REXO1: variants seen among roughly 807,000 people sequenced by gnomAD.
The protein encoded by REXO1 is REX1, RNA exonuclease 1 homolog.
REXO1 carries 42 observed loss-of-function variants against 102.6 expected under a neutral mutation model. The observed-to-expected ratio is 0.41, with a 90% confidence interval of 0.32 to 0.53. REXO1 has a LOEUF of 0.53. Ranked by LOEUF, REXO1 falls within the 20% of genes least tolerant of loss-of-function variation. The probability of loss-of-function intolerance (pLI) is 0.27; values close to 1 mark genes in which losing one functional copy is unlikely to be tolerated. For synonymous variants in REXO1, 908 were observed against 779.1 expected, an observed-to-expected ratio of 1.17 and a Z score of -2.76; for missense variants, 1,819 against 1,732.5, an observed-to-expected ratio of 1.05 and a Z score of -0.89.
At chr19:1,842,257 A>ACAG (rs1384366785) in intron 1 of REXO1, among the ~76,000 whole-genome samples, 6 of 151,778 alleles carry the variant, frequency 4.0e-5, no homozygotes, top group Admixed American at 3.3e-4. Context: ...AAACACAAAA[A>ACAG]CAGCAGGCGG....
chr19:1,831,717 TGCCTGTAATCCCA>T (rs2069906774), intron 1 of REXO1, among the ~76,000 whole-genome samples: 1 of 151,198 alleles, frequency 6.6e-6, no homozygotes, highest in Non-Finnish European at 1.5e-5. Context: ...TGGTGACCCA[TGCCTGTAATCCCA>T]GCTACTCGGG....
At position 1,848,293 on chromosome 19, in the gene REXO1, C is replaced by A. The variant is rs1017820793; in HGVS notation, c.66G>T (p.Gly22=). The A allele has an allele frequency of 3.3e-6, 4 of 1,228,962 alleles. No homozygotes were observed. The highest frequency in any genetic ancestry group is 6.5e-5 in the East Asian group (2 of 30,680). The allele number at this position is 1,228,962 out of a possible 1,614,324, so 76.1% of individuals were successfully genotyped here. A position where few individuals can be genotyped will look rare whatever the true frequency, so the allele number is the denominator to read the frequency against. The part of the protein sequence containing the change: ...DCPYWSGAPG[G]PCRRPYCHFR... ...AGTGGCAGTAGGGCCGCCGGCAGGG[C>A]CCCCCGGGCGCCCCAGACCAATAGG... Residue 22 remains glycine (G), a synonymous_variant, in exon 1 of 16, where the codon GGG becomes GGT. Transcript: ENST00000170168.
At chr19:1,828,769 C>T in intron 1 of REXO1, 138 bp from the exon 2 acceptor site, 1 of 1,175,838 alleles carries the variant, frequency 8.5e-7, no homozygotes, top group Non-Finnish European at 1.2e-6. Flanking sequence ...CCCGCCAAGG[C>T]TCTGGGGTGC....
intron 1 of REXO1, among the ~76,000 whole-genome samples, chr19:1,836,006 A>G (rs115600991): frequency 1.2e-3 from 184 of 152,294 alleles, no homozygotes; most frequent in African/African-American, 4.3e-3. Context: ...GACAAAGATG[A>G]TATTTCTTCC....
intron 3 of REXO1, among the ~76,000 whole-genome samples, chr19:1,825,452 G>A (rs1307988374): frequency 6.6e-6 from 1 of 151,276 alleles, no homozygotes; most frequent in Non-Finnish European, 1.5e-5. Flanking sequence ...ACCAGCCTGG[G>A]TGACAAAGCA....
chr19:1,817,156 C>CCAGATGGGGG (rs3841563), intron 12 of REXO1, 63 bp downstream of exon 12: 1 of 1,586,570 alleles, frequency 6.3e-7, no homozygotes. Context: ...CCAGATGGGG[C>CCAGATGGGGG]GGCCGCACCA....
intron 1 of REXO1, among the ~76,000 whole-genome samples, chr19:1,835,906 C>T (rs2070025813): frequency 6.6e-6 from 1 of 152,228 alleles, no homozygotes. Flanking sequence ...CCAGCCTTGT[C>T]CCGGCCTAGG....
chr19:1,835,389 C>CA (rs1483939250), intron 1 of REXO1, among the ~76,000 whole-genome samples: 2 of 151,122 alleles, frequency 1.3e-5, no homozygotes, highest in East Asian at 1.9e-4. Flanking sequence ...CTAAAAAATA[C>CA]AAAAAAAAAT....
chr19:1,818,438 G>T (rs371943931), intron 10 of REXO1, 44 bp downstream of exon 10: 1 of 1,460,532 alleles, frequency 6.8e-7, no homozygotes, highest in South Asian at 1.2e-5. Flanking sequence ...CCCAGGTTCC[G>T]GGGGCCATGG....
chr19:1,828,159 C>G lies in REXO1; in HGVS notation c.630G>C (p.Arg210=). The change falls in exon 2 of 16, where the codon CGG becomes CGC. Residue 210 remains arginine (R), a synonymous_variant. Coordinates refer to ENST00000170168, the MANE Select transcript of REXO1 (RefSeq NM_020695.4). The part of the protein sequence containing the change: ...EYVPKAVSQP[R]RHSRPVPSGK... ...CACTGGGAACGGGGCGGCTGTGCCGCCGGGGCTGGCTCACAGCCTTGGGGA... is the reference window on the plus strand; with the variant it reads ...CACTGGGAACGGGGCGGCTGTGCCGGCGGGGCTGGCTCACAGCCTTGGGGA... The G allele has an allele frequency of 1.9e-6, 3 of 1,609,978 alleles. No homozygotes were observed. Among genetic ancestry groups the G allele is most frequent in the Non-Finnish European group, 2.5e-6 (3 of 1,179,132 alleles).
Position 1,816,431 on chromosome 19 carries a change from C to T in REXO1, c.3456G>A (p.Lys1152=). The part of the protein sequence containing the change: ...HSLESDLLAL[K]VIHSTVVDTS... ...CGCGGGACCCGGGCCGGCAGGGCACCTTCAGGGCCAGGAGGTCGCTCTCCA... is the reference window on the plus strand; with the variant it reads ...CGCGGGACCCGGGCCGGCAGGGCACTTTCAGGGCCAGGAGGTCGCTCTCCA... The change falls in exon 14 of 16, where the codon AAG becomes AAA. Residue 1152 remains lysine (K), a splice_region_variant and synonymous_variant. Coordinates refer to ENST00000170168, the MANE Select transcript of REXO1 (RefSeq NM_020695.4). The T allele has an allele frequency of 6.2e-7, 1 of 1,611,344 alleles. No individual in the cohort carries two copies. Among genetic ancestry groups the T allele is most frequent in the Non-Finnish European group, 8.5e-7 (1 of 1,179,216 alleles).
At chr19:1,817,447 CT>C in intron 11 of REXO1, 118 bp from the exon 12 acceptor site, 1 of 1,502,274 alleles carries the variant, frequency 6.7e-7, no homozygotes, top group South Asian at 1.3e-5. Flanking sequence ...CGCCCATTCA[CT>C]GGTTGGGACC....
chr19:1,823,549 A>G, intron 4 of REXO1, 23 bp downstream of exon 4: 1 of 1,284,144 alleles, frequency 7.8e-7, no homozygotes, highest in South Asian at 2.7e-5. Flanking sequence ...CCCCCGGCAC[A>G]GGCCCCCTGG....
At chr19:1,831,640 C>T (rs985914518) in intron 1 of REXO1, among the ~76,000 whole-genome samples, 93 of 151,588 alleles carry the variant, frequency 6.1e-4, no homozygotes, top group African/African-American at 2.0e-3. Context: ...GTCAGGAGTT[C>T]GAGACCAGCC....
rs375966236 is a variant in REXO1 at position 1,828,023 on chromosome 19, C to A, written c.766G>T (p.Ala256Ser). Residue 256 changes from alanine to serine, a missense_variant, in exon 2 of 16, where the codon GCC becomes TCC. Ala to Ser is a moderately conservative substitution (Grantham distance 99, BLOSUM62 1). Coordinates refer to ENST00000170168, the MANE Select transcript of REXO1 (RefSeq NM_020695.4). ...SRASSRDERA[A>S]KRPRGSRGSE... ...CCGCGGGAGCCCCGGGGCCGCTTGGCGGCCCGCTCATCCCGGGAGCTGGCC... is the reference window on the plus strand; with the variant it reads ...CCGCGGGAGCCCCGGGGCCGCTTGGAGGCCCGCTCATCCCGGGAGCTGGCC... The A allele has an allele frequency of 3.1e-6, 5 of 1,612,466 alleles. No individual in the cohort carries two copies. Among genetic ancestry groups the A allele is most frequent in the Admixed American group, 3.3e-5 (2 of 59,870 alleles).
rs762460214 is a variant in REXO1 at position 1,827,999 on chromosome 19, C to T, written c.790G>A (p.Gly264Ser). The T allele has an allele frequency of 6.8e-6, 11 of 1,613,062 alleles. No individual in the cohort carries two copies. Among genetic ancestry groups the T allele is most frequent in the South Asian group, 4.4e-5 (4 of 91,064 alleles). The change falls in exon 2 of 16, where the codon GGC (glycine) becomes AGC (serine). Residue 264 changes from glycine to serine, a missense_variant. By Grantham distance (56) the Gly-to-Ser change is moderately conservative. Coordinates refer to ENST00000170168, the MANE Select transcript of REXO1 (RefSeq NM_020695.4). ...RAAKRPRGSR[G>S]SEPYTPAPKK... The stretch of plus-strand genomic sequence containing the variant: ...GGAGCAGGTGTGTAGGGCTCACTGC[C>T]GCGGGAGCCCCGGGGCCGCTTGGCG...
chr19:1,815,586 G>C lies in REXO1; in HGVS notation c.*480C>G. On this transcript the variant is annotated 3_prime_UTR_variant, in exon 16 of 16. Transcript: ENST00000170168. The surrounding 1 kb of genome is among the most constrained non-coding windows in gnomAD (Gnocchi z 4.0). ...CCACCCCGCAGGAGGGAAGGCAGCAGGCCCGCTCTTCCCGGTGGGAAAGAT... is the reference window on the plus strand; with the variant it reads ...CCACCCCGCAGGAGGGAAGGCAGCACGCCCGCTCTTCCCGGTGGGAAAGAT... 1.2e-6 allele frequency: 1 copy of C among 845,370 alleles called. No homozygotes were observed. Among genetic ancestry groups the C allele is most frequent in the Non-Finnish European group, 1.6e-6 (1 of 643,418 alleles). 52.4% of individuals were successfully genotyped at this position (845,370 alleles called of 1,614,324 possible). A position where few individuals can be genotyped will look rare whatever the true frequency, so the allele number is the denominator to read the frequency against.
Position 1,818,335 on chromosome 19 carries a change from G to A in REXO1, c.3016+147C>T, listed in dbSNP as rs374753927. ...GAAAATGAGGCCAAGGGCTAGCCCC[G>A]GCTCTGCCAAAGACGGTGCAGCCCA... is the stretch of plus-strand genomic sequence containing the variant. On this transcript the variant is annotated intron_variant, in intron 10 of 15. Transcript: ENST00000170168. 1,646 of 629,982 alleles carry A rather than the reference G, an allele frequency of 2.6e-3. 37 individuals are homozygous for A. In the South Asian group the frequency reaches 0.031, roughly 12 times the overall value. The allele number at this position is 629,982 out of a possible 1,614,324, so 39.0% of individuals were successfully genotyped here.
At chr19:1,843,634 T>C (rs896644613) in intron 1 of REXO1, among the ~76,000 whole-genome samples, 6 of 152,226 alleles carry the variant, frequency 3.9e-5, no homozygotes, top group Non-Finnish European at 8.8e-5. Context: ...CCCCGGGTCC[T>C]CATACGCCCT....
Sources: gnomAD v4.1 joint callset for allele counts (sites outside exome capture counted in the v4.1 genomes callset) on GRCh38, gnomAD v4.1.1 for gene constraint, Gnocchi (gnomAD v3.1) non-coding constraint, MANE v1.5 for transcripts, NCBI Gene and HGNC (gene_info 2026-07-23, HGNC 2026-07-21) for gene names.